Variants in TEX11 observed in about 807,000 individuals in gnomAD.
The protein encoded by TEX11 is testis-expressed protein 11.
In TEX11, 7 loss-of-function variants were observed where a neutral mutation model predicts 84.4. The observed-to-expected ratio is 0.08, with a 90% CI of 0.05 to 0.16. The LOEUF (loss-of-function observed/expected upper bound fraction) is 0.16. Ranked by LOEUF, TEX11 falls within the 10% of genes least tolerant of loss-of-function variation. The pLI, the probability that TEX11 is intolerant of heterozygous loss-of-function variation, is 1.00. For missense variants in TEX11, 551 were observed against 660.5 expected, an observed-to-expected ratio of 0.83 and a Z score of 1.82; for synonymous variants, 264 against 222.8, an observed-to-expected ratio of 1.18 and a Z score of -1.64.
intron 25 of TEX11, among the ~76,000 whole-genome samples, chrX:70,560,369 C>T (rs12014260): frequency 0.11 from 12,633 of 110,037 alleles, 617 homozygotes; most frequent in Middle Eastern, 0.19. Flanking sequence ...AGGCTGGTCT[C>T]GAACTCCCAA....
At chrX:70,827,191 G>A (rs1049493969) in intron 8 of TEX11, among the ~76,000 whole-genome samples, 12 of 111,081 alleles carry the variant, frequency 1.1e-4, no homozygotes, top group African/African-American at 3.6e-4. Context: ...CTGCCTTGAA[G>A]GAAAGGATCC....
chrX:70,706,121 T>C (rs1021034332), intron 13 of TEX11, among the ~76,000 whole-genome samples: 4 of 111,451 alleles, frequency 3.6e-5, no homozygotes, highest in Admixed American at 2.9e-4. Flanking sequence ...TGGAATACTA[T>C]GCAGCCATAA....
chrX:70,729,387 C>T (rs1018343291), intron 11 of TEX11, among the ~76,000 whole-genome samples: 28 of 111,208 alleles, frequency 2.5e-4, no homozygotes, highest in East Asian at 1.4e-3. Flanking sequence ...TTCGAACCCA[C>T]GGCAAAGAAG....
intron 28 of TEX11, among the ~76,000 whole-genome samples, chrX:70,537,257 T>G (rs2087972036): frequency 9.0e-6 from 1 of 111,216 alleles, no homozygotes; most frequent in African/African-American, 3.3e-5. Flanking sequence ...TAGAAAAGGT[T>G]TGAAGCAGCC....
chrX:70,539,038 A>ATATATATATATATATATTTTT, intron 28 of TEX11, among the ~76,000 whole-genome samples: 1 of 41,243 alleles, frequency 2.4e-5, no homozygotes, highest in African/African-American at 9.2e-5. Flanking sequence ...ATATATATAT[A>ATATATATATATATATATTTTT]TTTTTTTTTT....
At chrX:70,597,804 C>T (rs1348027156) in intron 24 of TEX11, among the ~76,000 whole-genome samples, 1 of 112,050 alleles carries the variant, frequency 8.9e-6, no homozygotes, top group Non-Finnish European at 1.9e-5. Context: ...ATGGAAAAGA[C>T]AAACCACAGA....
At chrX:70,812,211 T>TC (rs1353011407) in intron 8 of TEX11, among the ~76,000 whole-genome samples, 1 of 108,039 alleles carries the variant, frequency 9.3e-6, no homozygotes, top group African/African-American at 3.4e-5. Context: ...TTGAATTAAT[T>TC]TTTTTTTTTT....
chrX:70,675,916 C>T (rs1358530531), intron 15 of TEX11, among the ~76,000 whole-genome samples: 2 of 111,917 alleles, frequency 1.8e-5, no homozygotes, highest in East Asian at 5.5e-4. Flanking sequence ...AGGTGTGAGC[C>T]ACCGCATCCG....
intron 17 of TEX11, among the ~76,000 whole-genome samples, chrX:70,646,340 G>T (rs1211655327): frequency 8.9e-6 from 1 of 111,920 alleles, no homozygotes; most frequent in African/African-American, 3.2e-5. Flanking sequence ...TAGAGGAAAA[G>T]TTCCACGACA....
Position 70,585,310 on chromosome X carries a change from G to C in TEX11, c.2140+6441C>G, listed in dbSNP as rs767628326. On this transcript the variant is annotated intron_variant, in intron 25 of 29. Transcript: ENST00000374333. ...AAGAATGAATTTAGCCAAGAAGGTG[G>C]AAGATCTGTACAATGATTACTATAA... is the stretch of plus-strand genomic sequence containing the variant. 5.4e-5 allele frequency among the ~76,000 whole-genome samples: 6 copies of C among 112,133 alleles called. No individual in the cohort carries two copies. The Admixed American group carries it at 5.7e-4, about 11-fold the overall frequency.
chrX:70,834,229 T>C (rs951304389), intron 7 of TEX11, among the ~76,000 whole-genome samples: 6 of 110,739 alleles, frequency 5.4e-5, no homozygotes, highest in Non-Finnish European at 9.4e-5. Flanking sequence ...GAAAAGCAGC[T>C]TCGTACAATC....
At chrX:70,645,059 T>G (rs938345605) in intron 17 of TEX11, among the ~76,000 whole-genome samples, 1 of 110,337 alleles carries the variant, frequency 9.1e-6, no homozygotes, top group Non-Finnish European at 1.9e-5. Flanking sequence ...AGAAGAAAGA[T>G]AAAGTCCTAG....
intron 13 of TEX11, among the ~76,000 whole-genome samples, chrX:70,693,316 A>G (rs964275089): frequency 9.0e-6 from 1 of 111,672 alleles, no homozygotes; most frequent in Non-Finnish European, 1.9e-5. Context: ...ATCTATCCTA[A>G]TAGGTGTGAG....
chrX:70,591,878 C>G (rs998269911), intron 24 of TEX11, 55 bp from the exon 25 acceptor site: 2 of 850,245 alleles, frequency 2.4e-6, no homozygotes, highest in African/African-American at 4.0e-5. Flanking sequence ...GAACTTTAAG[C>G]AAATTAATAT....
intron 16 of TEX11, among the ~76,000 whole-genome samples, chrX:70,661,180 T>A (rs1337977822): frequency 8.9e-6 from 1 of 111,821 alleles, no homozygotes; most frequent in African/African-American, 3.3e-5. Context: ...CCCACCATAA[T>A]ACTGCACTTT....
At chrX:70,841,084 TA>T (rs1283852177) in intron 7 of TEX11, among the ~76,000 whole-genome samples, 1 of 110,707 alleles carries the variant, frequency 9.0e-6, no homozygotes, top group Non-Finnish European at 1.9e-5. Context: ...GACAGAAAGT[TA>T]ACAAGGATAC....
chrX:70,720,533 C>T (rs370022463), intron 13 of TEX11, among the ~76,000 whole-genome samples: 7 of 108,055 alleles, frequency 6.5e-5, no homozygotes, highest in South Asian at 4.0e-4. Flanking sequence ...AAAGAAGGTA[C>T]TAAAAAAAAA....
chrX:70,536,285 C>A (rs1224251962), intron 28 of TEX11, among the ~76,000 whole-genome samples: 2 of 110,861 alleles, frequency 1.8e-5, no homozygotes, highest in Admixed American at 1.9e-4. Flanking sequence ...GACAAGATCT[C>A]GCTATGTTGG....
intron 9 of TEX11, among the ~76,000 whole-genome samples, chrX:70,803,281 A>G (rs2091199900): frequency 8.9e-6 from 1 of 112,313 alleles, no homozygotes; most frequent in Non-Finnish European, 1.9e-5. Context: ...GACAATCCAC[A>G]GTAAAGCGAG....
Sources: allele counts gnomAD v4.1 joint callset (sites outside exome capture counted in the v4.1 genomes callset), GRCh38; gene constraint gnomAD v4.1.1; transcripts MANE v1.5; gene names NCBI Gene and HGNC (gene_info 2026-07-23, HGNC 2026-07-21).